The following SETD2 variants were observed in gnomAD, a reference collection of about 807,000 sequenced individuals.
SETD2 encodes the protein SET domain containing 2, histone lysine methyltransferase.
SETD2 carries 31 observed loss-of-function variants against 242.1 expected under a neutral mutation model. The observed-to-expected ratio is 0.13, with a 90% CI of 0.10 to 0.17. SETD2 has a LOEUF of 0.17. Ranked by LOEUF, SETD2 falls within the 10% of genes least tolerant of loss-of-function variation. The pLI is 1.00. For missense variants in SETD2, 2,481 were observed against 3,046.3 expected (o/e 0.81, Z 4.37); for synonymous variants, 1,006 against 1,066.5 (o/e 0.94, Z 1.11).
intron 9 of SETD2, among the ~76,000 whole-genome samples, chr3:47,091,781 A>T (rs983658380): frequency 6.6e-6 from 1 of 151,712 alleles, no homozygotes; most frequent in African/African-American, 2.4e-5. Flanking sequence ...ATAAATAAAT[A>T]AAATAAAATA....
chr3:47,146,327 T>C (rs2043850177), intron 1 of SETD2, among the ~76,000 whole-genome samples: 1 of 152,152 alleles, frequency 6.6e-6, no homozygotes, highest in African/African-American at 2.4e-5. Flanking sequence ...AACGAGTGTC[T>C]ATTTAAAATC....
At chr3:47,140,410 T>G (rs1399044287) in intron 1 of SETD2, among the ~76,000 whole-genome samples, 2 of 152,374 alleles carry the variant, frequency 1.3e-5, no homozygotes, top group South Asian at 2.1e-4. Flanking sequence ...TCCAGTAATT[T>G]TACTCATTAC....
chr3:47,071,643 G>C (rs2040823739), intron 12 of SETD2, among the ~76,000 whole-genome samples: 2 of 151,408 alleles, frequency 1.3e-5, no homozygotes, highest in Admixed American at 6.6e-5. Flanking sequence ...AACATATAGT[G>C]ATACTGCTGG....
rs2106699134 is a variant in SETD2, at chr3:47,123,249, C to T, written c.1387G>A (p.Glu463Lys). 6.4e-7 allele frequency: 1 copy of T among 1,554,594 alleles called. No individual in the cohort carries two copies. Among genetic ancestry groups the T allele is most frequent in the African/African-American group, 1.4e-5 (1 of 73,200 alleles). Residue 463 changes from glutamate (E) to lysine (K), a missense_variant, in exon 3 of 21, where the codon GAA becomes AAA. This residue lies in a region of SETD2 where 1,300 missense variants were observed against 1,259.2 expected (regional missense o/e 1.03). Coordinates refer to ENST00000409792, the MANE Select transcript of SETD2 (RefSeq NM_014159.7). ...NRARESSDSE[E>K]EYKKTYSRRT... ...CTTGAGTATGTCTTCTTATACTCTT[C>T]TTCTGAGTCAGAACTCTCTCGTGCT... is the stretch of plus-strand genomic sequence containing the variant.
At chr3:47,098,114 T>A (rs994635176) in intron 8 of SETD2, 33 bp from the exon 9 acceptor site, 1 of 1,612,188 alleles carries the variant, frequency 6.2e-7, no homozygotes, top group South Asian at 1.1e-5. Flanking sequence ...AAGTCAGCTA[T>A]GTGGAAGTAA....
At chr3:47,021,843 C>T (rs1484035349) in intron 18 of SETD2, among the ~76,000 whole-genome samples, 2 of 152,136 alleles carry the variant, frequency 1.3e-5, no homozygotes, top group Non-Finnish European at 2.9e-5. Context: ...CCAAAAAAGT[C>T]CCATTTAAAA....
chr3:47,136,654 GA>G (rs1052963653), intron 1 of SETD2, among the ~76,000 whole-genome samples: 1 of 152,032 alleles, frequency 6.6e-6, no homozygotes, highest in Non-Finnish European at 1.5e-5. Flanking sequence ...GCAGTGGGTT[GA>G]AAAATTACCT....
At chr3:47,042,052 T>C (rs1440900924) in intron 17 of SETD2, among the ~76,000 whole-genome samples, 6 of 152,066 alleles carry the variant, frequency 3.9e-5, no homozygotes, top group Non-Finnish European at 8.8e-5. Context: ...TCTCCAAGAG[T>C]CTTGCAGATT....
chr3:47,059,184 T>C lies in SETD2; in HGVS notation c.6294-1694A>G, dbSNP rs189859801. 2.0e-3 allele frequency among the ~76,000 whole-genome samples: 287 copies of C among 145,610 alleles called. 2 individuals carry two copies. The highest frequency in any genetic ancestry group is 6.8e-3 in the African/African-American group (262 of 38,768). On this transcript the variant is annotated intron_variant, in intron 14 of 20. Transcript: ENST00000409792. The stretch of plus-strand genomic sequence containing the variant: ...CAGACTGGTGTGCAATGGTGTGATA[T>C]CAGCTCACTGCAACCTCCACCTCCC...
rs2043156744 is a variant in SETD2, at chr3:47,122,827, A to C, written c.1809T>G (p.Ile603Met). The C allele has an allele frequency of 1.2e-6, 2 of 1,613,324 alleles. No homozygotes were observed. Among genetic ancestry groups the C allele is most frequent in the Non-Finnish European group, 1.7e-6 (2 of 1,179,764 alleles). ...CCTTTTCTCTTTCAGGATTTTTATT[A>C]ATCATTCTTAATTCACTACCTTTTG... ...PCSKGSELRM[I>M]NKNPEREKAG... The change falls in exon 3 of 21, where the codon ATT becomes ATG. Residue 603 changes from isoleucine to methionine, a missense_variant. By Grantham distance (10) the Ile-to-Met change is conservative. Transcript: ENST00000409792.
rs770312954 is a variant in SETD2, at chr3:47,124,373, A to T, written c.263T>A (p.Phe88Tyr). 280 of 1,551,828 alleles carry T rather than the reference A, an allele frequency of 1.8e-4. No homozygotes were observed. Among genetic ancestry groups the T allele is most frequent in the Non-Finnish European group, 2.3e-4 (268 of 1,147,050 alleles). The change falls in exon 3 of 21, where the codon TTT (phenylalanine) becomes TAT (tyrosine). Residue 88 changes from phenylalanine to tyrosine, a missense_variant. Coordinates refer to ENST00000409792, the MANE Select transcript of SETD2 (RefSeq NM_014159.7). ...CTTTTCATTGCCAAGTGCAGTGAGA[A>T]ACCTATTCTGCAAAGTTTTCTTTGT... ...SLTKKTLQNR[F>Y]LTALGNEKQS...
In SETD2 at chr3:47,123,952, G is replaced by A. The variant is rs2106716227; in HGVS notation, c.684C>T (p.Pro228=). 1 of 1,550,998 alleles carries A rather than the reference G, an allele frequency of 6.4e-7. No homozygotes were observed. Among genetic ancestry groups the A allele is most frequent in the Non-Finnish European group, 8.7e-7 (1 of 1,145,946 alleles). The change falls in exon 3 of 21, where the codon CCC becomes CCT. Residue 228 remains proline (P), a synonymous_variant. Coordinates refer to ENST00000409792, the MANE Select transcript of SETD2 (RefSeq NM_014159.7). The stretch of plus-strand genomic sequence containing the variant: ...ATCTAACTGCTACATCTACTGGTAA[G>A]GGTACTGGTGCTGCCATTAGAACTG... ...PITVLMAAPV[P]LPVDVAVRSL...
Position 47,032,088 on chromosome 3 carries a change from G to A in SETD2, c.7350+5578C>T, listed in dbSNP as rs190876282. 2.2e-3 allele frequency among the ~76,000 whole-genome samples: 328 copies of A among 152,184 alleles called. 1 individual carries two copies. Among genetic ancestry groups the A allele is most frequent in the African/African-American group, 7.3e-3 (303 of 41,508 alleles). ...GTATATTTGTGAATGTACCAAATGTGACAGAGGCATGTAATGTTTTCATAT... is the reference window on the plus strand; with the variant it reads ...GTATATTTGTGAATGTACCAAATGTAACAGAGGCATGTAATGTTTTCATAT... On this transcript the variant is annotated intron_variant, in intron 18 of 20. Coordinates refer to ENST00000409792, the MANE Select transcript of SETD2 (RefSeq NM_014159.7).
intron 5 of SETD2, among the ~76,000 whole-genome samples, chr3:47,111,067 C>T (rs1434450694): frequency 9.8e-6 from 1 of 101,712 alleles, no homozygotes; most frequent in Non-Finnish European, 1.8e-5. Context: ...TGTGTCCAAA[C>T]TGTGGTTCCT....
intron 1 of SETD2, among the ~76,000 whole-genome samples, chr3:47,140,112 T>C (rs2043691858): frequency 1.3e-5 from 2 of 152,192 alleles, no homozygotes; most frequent in South Asian, 4.1e-4. Context: ...AAGTCACTTC[T>C]AACAAGAAGT....
At chr3:47,090,012 C>A (rs967673850) in intron 9 of SETD2, among the ~76,000 whole-genome samples, 5 of 152,110 alleles carry the variant, frequency 3.3e-5, no homozygotes, top group Non-Finnish European at 7.4e-5. Flanking sequence ...CTCTGAAAGG[C>A]CAAGACAGGC....
chr3:47,054,027 C>T (rs1428597922), intron 15 of SETD2, among the ~76,000 whole-genome samples: 1 of 151,998 alleles, frequency 6.6e-6, no homozygotes, highest in Non-Finnish European at 1.5e-5. Context: ...AATGATAAAC[C>T]AGGACTCAAA....
intron 1 of SETD2, among the ~76,000 whole-genome samples, chr3:47,136,196 T>G (rs532657384): frequency 1.8e-4 from 28 of 152,302 alleles, no homozygotes; most frequent in African/African-American, 6.3e-4. Flanking sequence ...AAACCTCATT[T>G]GTCCTTAATT....
rs2043237664 is a variant in SETD2 at position 47,124,298 on chromosome 3, G to C, written c.338C>G (p.Thr113Ser). The C allele has an allele frequency of 6.4e-7, 1 of 1,551,768 alleles. No individual in the cohort carries two copies. Among genetic ancestry groups the C allele is most frequent in the African/African-American group, 1.4e-5 (1 of 73,184 alleles). The change falls in exon 3 of 21, where the codon ACT becomes AGT. Residue 113 changes from threonine to serine, a missense_variant. By Grantham distance (58) the Thr-to-Ser change is moderately conservative (BLOSUM62 1). This residue lies in a region of SETD2 where 334 missense variants were observed against 374.5 expected (regional missense o/e 0.89). Transcript: ENST00000409792. ...PPAVPLQVDS[T>S]PKMKMEIGDT... is the part of the protein sequence containing the mutation. ...ACCAATTTCCATTTTCATTTTAGGA[G>C]TCGAGTCTACCTGAAGAGGTACAGC... is the stretch of plus-strand genomic sequence containing the variant.
Sources: allele counts gnomAD v4.1 joint callset (sites outside exome capture counted in the v4.1 genomes callset), GRCh38; gene constraint gnomAD v4.1.1; regional missense constraint gnomAD v4.1.1; transcripts MANE v1.5; gene names NCBI Gene and HGNC (gene_info 2026-07-23, HGNC 2026-07-21).